The following ZNF469 variants were observed in gnomAD, a reference collection of about 807,000 sequenced individuals.
ZNF469 encodes zinc finger protein 469.
Under a neutral mutation model 1.0 loss-of-function variants are expected in ZNF469, and 1 was observed. The observed-to-expected ratio is 1.00, with a 90% confidence interval of 0.35 to 4.73. ZNF469 has a LOEUF of 4.73. Ranked by LOEUF, ZNF469 falls within the 30% of genes most tolerant of loss-of-function variation. ZNF469 has a pLI of 0.16. For missense variants in ZNF469, 6,100 were observed against 5,356.3 expected, an observed-to-expected ratio of 1.14 and a Z score of -4.33; for synonymous variants, 2,703 against 2,363.4, an observed-to-expected ratio of 1.14 and a Z score of -4.17.
At chr16:88,264,965 G>A in the ZNF469 span, among the ~76,000 whole-genome samples, 10 of 152,204 alleles carry the variant, frequency 6.6e-5, 1 homozygote, top group South Asian at 1.2e-3. Flanking sequence ...GGCTGACTGC[G>A]GTTCTGTGCT....
upstream of ZNF469, among the ~76,000 whole-genome samples, chr16:88,381,016 TCA>T (rs201537409): frequency 0.045 from 3,710 of 82,902 alleles, 140 homozygotes; most frequent in Admixed American, 0.15. Context: ...ACACATGCGC[TCA>T]CAGACATGCA....
the ZNF469 span, among the ~76,000 whole-genome samples, chr16:88,222,471 C>T: frequency 2.0e-5 from 3 of 152,144 alleles, no homozygotes. Context: ...TCAAAATTTT[C>T]CTAAGGCTGG....
At chr16:88,414,525 G>T (rs1469050265) in intron 1 of ZNF469, among the ~76,000 whole-genome samples, 2 of 152,236 alleles carry the variant, frequency 1.3e-5, no homozygotes, top group Non-Finnish European at 2.9e-5. Flanking sequence ...GAGGGCAGAG[G>T]CCCCCAGGCC....
intron 1 of ZNF469, among the ~76,000 whole-genome samples, chr16:88,397,156 C>A (rs907225473): frequency 6.6e-6 from 1 of 152,376 alleles, no homozygotes. Context: ...GGGCTGAGGC[C>A]TCTGTCTGAC....
the ZNF469 span, among the ~76,000 whole-genome samples, chr16:88,196,228 C>T: frequency 6.6e-6 from 1 of 152,168 alleles, no homozygotes; most frequent in Non-Finnish European, 1.5e-5. Flanking sequence ...CAGCATCTAC[C>T]TTTGTGGACC....
the ZNF469 span, among the ~76,000 whole-genome samples, chr16:88,115,272 T>A: frequency 1.3e-5 from 2 of 152,194 alleles, no homozygotes; most frequent in African/African-American, 4.8e-5. Flanking sequence ...TATGCATTGC[T>A]GCCATTTCTG....
the ZNF469 span, among the ~76,000 whole-genome samples, chr16:88,215,805 C>G: frequency 6.6e-6 from 1 of 152,080 alleles, no homozygotes; most frequent in African/African-American, 2.4e-5. Context: ...AATGTTGCCT[C>G]TGCTACTCCT....
chr16:88,434,588 G>A lies in ZNF469; in HGVS notation c.7118G>A (p.Ser2373Asn). 6.5e-7 allele frequency: 1 copy of A among 1,550,378 alleles called. No individual in the cohort carries two copies. Among genetic ancestry groups the A allele is most frequent in the South Asian group, 1.2e-5 (1 of 84,068 alleles). Residue 2373 changes from serine to asparagine, a missense_variant, in exon 3 of 3, where the codon AGC (serine) becomes AAC (asparagine). Physicochemically the swap from Ser to Asn is conservative, Grantham distance 46 (BLOSUM62 1). Transcript: ENST00000565624. ...TGCCTGGAAGGTGAGATGGGGACCA[G>A]CAGCAAGGAGCCGGAGGACCCAGGG... ...PACLEGEMGT[S>N]SKEPEDPGTP...
At chr16:88,180,949 C>T in the ZNF469 span, among the ~76,000 whole-genome samples, 204 of 152,294 alleles carry the variant, frequency 1.3e-3, no homozygotes, top group African/African-American at 4.5e-3. Flanking sequence ...ATACTCCTCT[C>T]TGTAAGCTAT....
the ZNF469 span, among the ~76,000 whole-genome samples, chr16:88,300,325 G>C: frequency 3.3e-5 from 5 of 152,138 alleles, no homozygotes; most frequent in African/African-American, 1.2e-4. Context: ...GGAGACCCAA[G>C]TTTAAAGTCA....
chr16:88,203,458 C>A, the ZNF469 span, among the ~76,000 whole-genome samples: 1 of 147,778 alleles, frequency 6.8e-6, no homozygotes, highest in Non-Finnish European at 1.5e-5. Context: ...TGTGAGCTCC[C>A]GGAGCTGCGG....
chr16:88,354,585 G>A, the ZNF469 span, among the ~76,000 whole-genome samples: 1 of 151,732 alleles, frequency 6.6e-6, no homozygotes, highest in Non-Finnish European at 1.5e-5. Context: ...AGTGACTTAA[G>A]GATGAAATAA....
the ZNF469 span, among the ~76,000 whole-genome samples, chr16:88,182,696 CAG>C: frequency 0.14 from 20,677 of 150,652 alleles, 1,740 homozygotes; most frequent in South Asian, 0.34. Flanking sequence ...TCTCCAAAAA[CAG>C]AGAGAAATGA....
the ZNF469 span, among the ~76,000 whole-genome samples, chr16:88,295,332 C>T: frequency 3.6e-3 from 94 of 26,128 alleles, 4 homozygotes; most frequent in African/African-American, 0.012. Context: ...TACGTCATCT[C>T]GGGCCCCCAG....
chr16:88,436,794 C>G lies in ZNF469; in HGVS notation c.9324C>G (p.Ala3108=), dbSNP rs1164901906. The G allele has an allele frequency of 2.6e-6, 4 of 1,543,344 alleles. No homozygotes were observed. In the African/African-American group the frequency reaches 5.5e-5, roughly 21 times the overall value. Reference sequence around the variant, plus strand: ...GGGCCCAAGGCAGAGGCCGGCCGGCCAAGGGCAGGCGGGCCTCCTACAAGT... The same window carrying G: ...GGGCCCAAGGCAGAGGCCGGCCGGCGAAGGGCAGGCGGGCCTCCTACAAGT... ...AGRAQGRGRP[A]KGRRASYKCK... is the part of the protein sequence containing the mutation. Residue 3108 remains alanine (A), a synonymous_variant, in exon 3 of 3, where the codon GCC becomes GCG. Transcript: ENST00000565624.
chr16:88,310,644 G>T, the ZNF469 span, among the ~76,000 whole-genome samples: 1 of 151,420 alleles, frequency 6.6e-6, no homozygotes. Flanking sequence ...GTGCAGCAGC[G>T]CGATCTCGGC....
the ZNF469 span, among the ~76,000 whole-genome samples, chr16:88,220,888 C>T: frequency 6.6e-6 from 1 of 152,362 alleles, no homozygotes; most frequent in African/African-American, 2.4e-5. Context: ...TTGGCTCCCA[C>T]TTGCCACTTG....
At chr16:88,333,648 G>T in the ZNF469 span, among the ~76,000 whole-genome samples, 8 of 152,238 alleles carry the variant, frequency 5.3e-5, no homozygotes, top group Non-Finnish European at 1.2e-4. Flanking sequence ...GGGCATGAAG[G>T]CAGGAGCACG....
Position 88,427,497 on chromosome 16 carries a change from G to T in ZNF469, c.27G>T (p.Ala9=). The part of the protein sequence containing the change: MPGERPRG[A]PPPTMTGDLQ... ...TGCCTGGGGAGCGCCCCCGAGGAGC[G>T]CCGCCCCCCACCATGACTGGAGACC... Residue 9 remains alanine (A), a synonymous_variant, in exon 3 of 3, where the codon GCG becomes GCT. Coordinates refer to ENST00000565624, the MANE Select transcript of ZNF469 (RefSeq NM_001367624.2). 1.3e-6 allele frequency: 2 copies of T among 1,528,048 alleles called. No homozygotes were observed. The highest frequency in any genetic ancestry group is 1.2e-5 in the South Asian group (1 of 83,230). The allele number at this position is 1,528,048 out of a possible 1,614,324, so 94.7% of individuals were successfully genotyped here.
Sources: gnomAD v4.1 joint callset for allele counts (sites outside exome capture counted in the v4.1 genomes callset) on GRCh38, gnomAD v4.1.1 for gene constraint, MANE v1.5 for transcripts, NCBI Gene and HGNC (gene_info 2026-07-23, HGNC 2026-07-21) for gene names.